Variants in ARHGEF10L observed in about 807,000 individuals in gnomAD.
ARHGEF10L encodes Rho guanine nucleotide exchange factor 10 like, also known as rho guanine nucleotide exchange factor 10-like protein.
A neutral mutation model predicts 141.2 loss-of-function variants in ARHGEF10L; 69 were observed. That is an observed-to-expected ratio of 0.49 (90% CI 0.40 to 0.60). The LOEUF (loss-of-function observed/expected upper bound fraction) is 0.60, where lower values mean the gene tolerates loss of function less well. ARHGEF10L is among the 20% of genes least tolerant of loss of function. ARHGEF10L has a pLI of 0.00. For synonymous variants in ARHGEF10L, 711 were observed against 718.5 expected (o/e 0.99, Z 0.17); for missense variants, 1,482 against 1,734.3 (o/e 0.85, Z 2.58).
intron 9 of ARHGEF10L, chr1:17,618,340 A>T (rs1356305505): frequency 6.5e-7 from 1 of 1,534,526 alleles, no homozygotes; most frequent in Non-Finnish European, 8.8e-7. Context: ...CAGGGCTCGA[A>T]TCACAGGCCA....
intron 27 of ARHGEF10L, among the ~76,000 whole-genome samples, chr1:17,688,384 C>T (rs571062751): frequency 1.7e-3 from 264 of 152,354 alleles, no homozygotes; most frequent in African/African-American, 5.9e-3. Flanking sequence ...CTCAGCCTTT[C>T]GTTGCCATCT....
intron 1 of ARHGEF10L, among the ~76,000 whole-genome samples, chr1:17,575,424 A>G (rs1281084223): frequency 6.6e-6 from 1 of 152,256 alleles, no homozygotes; most frequent in Non-Finnish European, 1.5e-5. Flanking sequence ...ATGACTGAAC[A>G]GGAATTTGCT....
intron 15 of ARHGEF10L, among the ~76,000 whole-genome samples, chr1:17,630,804 G>A (rs1294556456): frequency 1.3e-5 from 2 of 152,248 alleles, no homozygotes; most frequent in Non-Finnish European, 1.5e-5. Flanking sequence ...GGTCCCACTG[G>A]GACTTTTGGT....
Position 17,627,065 on chromosome 1 carries a change from A to C in ARHGEF10L, c.1411-265A>C, listed in dbSNP as rs1010310086. Among the ~76,000 whole-genome samples the C allele has an allele frequency of 4.6e-5, 7 of 152,264 alleles. No individual in the cohort carries two copies. Among genetic ancestry groups the C allele is most frequent in the Admixed American group, 1.3e-4 (2 of 15,290 alleles). ...GCGACTGTGGCTAATGCTGCTATGA[A>C]CATGGCTGGACAAATATCTGTTTGA... On this transcript the variant is annotated intron_variant, in intron 14 of 28. Coordinates refer to ENST00000361221, the MANE Select transcript of ARHGEF10L (RefSeq NM_018125.4). This position sits in a 1 kb window ranked among gnomAD's most constrained non-coding sequence, Gnocchi z 4.0.
chr1:17,640,156 C>T lies in ARHGEF10L; in HGVS notation c.2172-46C>T, dbSNP rs755691468. The T allele has an allele frequency of 5.1e-6, 8 of 1,580,630 alleles. No homozygotes were observed. The Admixed American group carries it at 1.0e-4, about 20-fold the overall frequency. On this transcript the variant is annotated intron_variant, in intron 20 of 28. Coordinates refer to ENST00000361221, the MANE Select transcript of ARHGEF10L (RefSeq NM_018125.4). ...TACGTGACAGCTGGGGGAGCCTGGC[C>T]CTTGTGTGGGTACTCACACATCCAC...
intron 4 of ARHGEF10L, among the ~76,000 whole-genome samples, chr1:17,595,474 C>T (rs1557774652): frequency 1.3e-5 from 2 of 152,084 alleles, no homozygotes; most frequent in Non-Finnish European, 2.9e-5. Flanking sequence ...ACAGAGATGG[C>T]TCCCCAGAGG....
intron 7 of ARHGEF10L, among the ~76,000 whole-genome samples, chr1:17,611,977 GTCCATCCA>G (rs60216346): frequency 4.0e-5 from 6 of 150,006 alleles, no homozygotes; most frequent in East Asian, 2.0e-4. Context: ...CCATCGGTTT[GTCCATCCA>G]TCCATCCATC....
chr1:17,563,288 G>A (rs1239142592), intron 1 of ARHGEF10L, among the ~76,000 whole-genome samples: 1 of 150,844 alleles, frequency 6.6e-6, no homozygotes, highest in Admixed American at 6.6e-5. Context: ...AGGGTGGAGC[G>A]CAGTGGCGCC....
intron 1 of ARHGEF10L, among the ~76,000 whole-genome samples, chr1:17,579,274 G>C (rs1475699984): frequency 6.6e-6 from 1 of 152,178 alleles, no homozygotes; most frequent in Non-Finnish European, 1.5e-5. Context: ...GCCCACCTCA[G>C]CCTCCCAAAG....
chr1:17,515,291 C>CTTT, the ARHGEF10L span, among the ~76,000 whole-genome samples: 3 of 132,000 alleles, frequency 2.3e-5, no homozygotes, highest in African/African-American at 2.7e-5. Context: ...CTTTTTCTCT[C>CTTT]TTTTTTTTTT....
At position 17,619,393 on chromosome 1, in the gene ARHGEF10L, A is replaced by G; in HGVS notation, c.890A>G (p.Lys297Arg). Residue 297 changes from lysine (K) to arginine (R), a missense_variant, in exon 10 of 29, where the codon AAG becomes AGG. Coordinates refer to ENST00000361221, the MANE Select transcript of ARHGEF10L (RefSeq NM_018125.4). This position sits in a 1 kb window ranked among gnomAD's most constrained non-coding sequence, Gnocchi z 5.0. ...GLLEVSVSDI[K>R]PPAPELGPMP... is the part of the protein sequence containing the mutation. ...CTGGAGGTCAGCGTTTCGGACATCA[A>G]GCCCCCAGCCCCAGAGCTGGGCCCC... The G allele has an allele frequency of 6.2e-7, 1 of 1,609,348 alleles. No homozygotes were observed. Among genetic ancestry groups the G allele is most frequent in the Non-Finnish European group, 8.5e-7 (1 of 1,178,040 alleles).
At chr1:17,635,995 T>C (rs558542462) in intron 18 of ARHGEF10L, among the ~76,000 whole-genome samples, 20 of 152,298 alleles carry the variant, frequency 1.3e-4, no homozygotes, top group South Asian at 1.2e-3. Flanking sequence ...TGGGTGCTGG[T>C]CCGTGACAGC....
At chr1:17,670,020 C>A (rs570026550) in intron 26 of ARHGEF10L, among the ~76,000 whole-genome samples, 2 of 152,354 alleles carry the variant, frequency 1.3e-5, no homozygotes, top group Non-Finnish European at 2.9e-5. Context: ...TCCCCGAGCT[C>A]GGCTATGCGG....
chr1:17,582,891 C>T (rs900366580), intron 2 of ARHGEF10L, among the ~76,000 whole-genome samples: 1 of 152,024 alleles, frequency 6.6e-6, no homozygotes, highest in African/African-American at 2.4e-5. Flanking sequence ...GGGAGCTGCT[C>T]ACTGCATGCA....
intron 1 of ARHGEF10L, among the ~76,000 whole-genome samples, chr1:17,562,793 A>G (rs993086925): frequency 2.0e-5 from 3 of 152,218 alleles, no homozygotes; most frequent in African/African-American, 7.2e-5. Context: ...GCCCTGTCCT[A>G]GGGCAGTCCA....
chr1:17,562,434 G>T (rs1219487634), intron 1 of ARHGEF10L, among the ~76,000 whole-genome samples: 1 of 152,126 alleles, frequency 6.6e-6, no homozygotes, highest in Admixed American at 6.6e-5. Context: ...CAAACAAAAA[G>T]AGTGGGGAGT....
chr1:17,626,999 C>T (rs577572048), intron 14 of ARHGEF10L, among the ~76,000 whole-genome samples: 7 of 152,324 alleles, frequency 4.6e-5, no homozygotes, highest in South Asian at 2.1e-4. Flanking sequence ...ATTTTGTTTA[C>T]GCGTTAGTCT....
chr1:17,679,881 C>G (rs1223726266), intron 26 of ARHGEF10L, among the ~76,000 whole-genome samples: 1 of 152,078 alleles, frequency 6.6e-6, no homozygotes, highest in African/African-American at 2.4e-5. Context: ...TGCAGGTGAT[C>G]GTGGGTGATC....
Position 17,625,781 on chromosome 1 carries a change from A to G in ARHGEF10L, c.1318-175A>G, listed in dbSNP as rs1484171044. On this transcript the variant is annotated intron_variant, in intron 13 of 28. Coordinates refer to ENST00000361221, the MANE Select transcript of ARHGEF10L (RefSeq NM_018125.4). This position sits in a 1 kb window ranked among gnomAD's most constrained non-coding sequence, Gnocchi z 4.5. ...GGCCATGCAGGGGCACTGGTGGGAG[A>G]GGGATCCCTGGCTGCAGAACCACGG... 2.0e-5 allele frequency among the ~76,000 whole-genome samples: 3 copies of G among 152,090 alleles called. No homozygotes were observed.
Sources: gnomAD v4.1 joint callset for allele counts (sites outside exome capture counted in the v4.1 genomes callset) on GRCh38, gnomAD v4.1.1 for gene constraint, Gnocchi (gnomAD v3.1) non-coding constraint, MANE v1.5 for transcripts, NCBI Gene and HGNC (gene_info 2026-07-23, HGNC 2026-07-21) for gene names.